GPR89B: variants seen among roughly 807,000 people sequenced by gnomAD.
GPR89B encodes G protein-coupled receptor 89B.
Under a neutral mutation model 52.4 loss-of-function variants are expected in GPR89B, and 25 were observed. The observed-to-expected ratio is 0.48, with a 90% CI of 0.35 to 0.67. The LOEUF is 0.67. GPR89B is among the 30% of genes least tolerant of loss of function. The pLI, the probability that GPR89B is intolerant of heterozygous loss-of-function variation, is 0.01. For synonymous variants in GPR89B, 52 were observed against 151.2 expected (o/e 0.34, Z 4.81); for missense variants, 146 against 450.2 (o/e 0.32, Z 6.11).
At chr1:147,961,483 C>T (rs1330385922) in intron 7 of GPR89B, among the ~76,000 whole-genome samples, 1 of 152,188 alleles carries the variant, frequency 6.6e-6, no homozygotes, top group African/African-American at 2.4e-5. Flanking sequence ...GGTTATTCAA[C>T]AACATTGTAG....
chr1:147,950,271 A>G (rs1655528037), intron 5 of GPR89B, among the ~76,000 whole-genome samples: 2 of 147,498 alleles, frequency 1.4e-5, no homozygotes, highest in Admixed American at 1.3e-4. Context: ...GCGGCCGGGT[A>G]GAGGTGCTCC....
intron 3 of GPR89B, among the ~76,000 whole-genome samples, chr1:147,940,582 G>A (rs1351330593): frequency 1.3e-5 from 2 of 152,054 alleles, no homozygotes; most frequent in African/African-American, 4.8e-5. Context: ...TCTGTAAAGG[G>A]CCAGATAGTA....
chr1:148,021,058 G>A, the GPR89B span, among the ~76,000 whole-genome samples: 9 of 151,882 alleles, frequency 5.9e-5, no homozygotes, highest in African/African-American at 1.7e-4. Flanking sequence ...TGGTCTCTGC[G>A]TTTCTACGTA....
At chr1:147,997,576 C>T (rs1218119245), downstream of GPR89B, among the ~76,000 whole-genome samples, 8 of 152,120 alleles carry the variant, frequency 5.3e-5, no homozygotes, top group Non-Finnish European at 1.2e-4. Flanking sequence ...CGGAGCCACA[C>T]TACTGGCATC....
the GPR89B span, among the ~76,000 whole-genome samples, chr1:148,021,148 T>C: frequency 4.6e-5 from 7 of 151,760 alleles, no homozygotes; most frequent in Non-Finnish European, 1.5e-5. Context: ...GGTCACTGAT[T>C]CTCTACTTGG....
At chr1:147,987,912 T>C (rs1176952199) in intron 11 of GPR89B, among the ~76,000 whole-genome samples, 5 of 151,932 alleles carry the variant, frequency 3.3e-5, no homozygotes, top group Admixed American at 3.3e-4. Context: ...CCTTGAAGTT[T>C]TGGTGATTAG....
Position 147,935,799 on chromosome 1 carries a change from A to G in GPR89B, c.43-828A>G, listed in dbSNP as rs770965237. On this transcript the variant is annotated intron_variant, in intron 1 of 13. Coordinates refer to ENST00000314163, the MANE Select transcript of GPR89B (RefSeq NM_016334.5). ...GCCCAGGCTGGAGCACAGTGGTGCA[A>G]TCATGGCTCACTGCAGCCTCAACTT... Among the ~76,000 whole-genome samples the G allele has an allele frequency of 1.2e-4, 18 of 152,214 alleles. 1 individual carries two copies. The South Asian group carries it at 1.7e-3, about 14-fold the overall frequency.
At chr1:147,949,571 G>C (rs1553250493) in intron 5 of GPR89B, among the ~76,000 whole-genome samples, 3 of 136,850 alleles carry the variant, frequency 2.2e-5, no homozygotes, top group Admixed American at 2.1e-4. Context: ...GCCGGGCGGG[G>C]GGCTGACCCC....
At chr1:148,007,943 C>T in the GPR89B span, among the ~76,000 whole-genome samples, 1 of 152,090 alleles carries the variant, frequency 6.6e-6, no homozygotes, top group Non-Finnish European at 1.5e-5. Context: ...ACGTCCAAGA[C>T]GGGGCAGGAC....
the GPR89B span, among the ~76,000 whole-genome samples, chr1:148,007,133 T>C: frequency 4.3e-5 from 6 of 139,848 alleles, no homozygotes; most frequent in Non-Finnish European, 9.2e-5. Flanking sequence ...TGGAGTGCAG[T>C]GGCGCAATCT....
At chr1:148,009,269 G>A in the GPR89B span, 1 of 1,476,246 alleles carries the variant, frequency 6.8e-7, no homozygotes, top group Non-Finnish European at 9.3e-7. Flanking sequence ...TCATTAACCA[G>A]TAGCATCTTT....
intron 5 of GPR89B, among the ~76,000 whole-genome samples, chr1:147,949,750 G>A (rs1655405898): frequency 7.0e-6 from 1 of 143,040 alleles, no homozygotes; most frequent in South Asian, 2.2e-4. Context: ...GGGCAGCCGG[G>A]CAGAGGCGCC....
the GPR89B span, among the ~76,000 whole-genome samples, chr1:148,017,032 T>G: frequency 3.5e-5 from 5 of 142,380 alleles, no homozygotes; most frequent in African/African-American, 5.7e-5. Context: ...TTGCTTGCTT[T>G]CTATCTTTCT....
chr1:147,965,676 G>A (rs1656977231), intron 7 of GPR89B, among the ~76,000 whole-genome samples: 1 of 152,034 alleles, frequency 6.6e-6, no homozygotes, highest in African/African-American at 2.4e-5. Flanking sequence ...CAGAAGGTGA[G>A]GGTATTGGAC....
rs1434845735 is a variant in GPR89B, at chr1:147,959,613, T to G, written c.617+5211T>G. Among the ~76,000 whole-genome samples, 5 of 151,626 alleles carry G rather than the reference T, an allele frequency of 3.3e-5. No individual in the cohort carries two copies. The East Asian group carries it at 9.7e-4, about 29-fold the overall frequency. Reference sequence around the variant, plus strand: ...TTTAAATCAGCTGAGTAACTGAACATTTAAAGGGGAAATTTTGGAAATGAG... The same window carrying G: ...TTTAAATCAGCTGAGTAACTGAACAGTTAAAGGGGAAATTTTGGAAATGAG... On this transcript the variant is annotated intron_variant, in intron 7 of 13. Coordinates refer to ENST00000314163, the MANE Select transcript of GPR89B (RefSeq NM_016334.5).
intron 10 of GPR89B, among the ~76,000 whole-genome samples, chr1:147,970,423 A>G (rs1276227126): frequency 6.6e-6 from 1 of 151,838 alleles, no homozygotes; most frequent in Non-Finnish European, 1.5e-5. Context: ...CTTGAACCCG[A>G]GAGGCGGACG....
At chr1:148,011,927 G>A in the GPR89B span, 1 of 152,200 alleles carries the variant, frequency 6.6e-6, no homozygotes, top group Non-Finnish European at 1.5e-5. Context: ...TGCGACTACG[G>A]TGGACAAGGG....
At chr1:147,938,083 A>G (rs1217064352) in intron 2 of GPR89B, among the ~76,000 whole-genome samples, 1 of 152,136 alleles carries the variant, frequency 6.6e-6, no homozygotes, top group East Asian at 1.9e-4. Context: ...CAGTCCCTCC[A>G]TTCGGGGTCC....
At chr1:147,950,419 G>C (rs1293198140) in intron 5 of GPR89B, among the ~76,000 whole-genome samples, 11 of 151,158 alleles carry the variant, frequency 7.3e-5, no homozygotes, top group Non-Finnish European at 1.3e-4. Flanking sequence ...ATGGTATGGC[G>C]GCCGGGCAGA....
Sources: allele counts gnomAD v4.1 joint callset (sites outside exome capture counted in the v4.1 genomes callset), GRCh38; gene constraint gnomAD v4.1.1; transcripts MANE v1.5; gene names NCBI Gene and HGNC (gene_info 2026-07-23, HGNC 2026-07-21).